LTBP4: variants seen among roughly 807,000 people sequenced by gnomAD.
LTBP4 encodes latent-transforming growth factor beta-binding protein 4.
LTBP4 carries 93 observed loss-of-function variants against 180.2 expected under a neutral mutation model. The ratio of observed to expected loss-of-function variants is 0.52; its 90% CI spans 0.44 to 0.61. The LOEUF is 0.61. Among genes scored for constraint, LTBP4 ranks in the 20% least tolerant of loss-of-function variants. The probability of loss-of-function intolerance (pLI) is 0.00; values close to 1 mark genes in which losing one functional copy is unlikely to be tolerated. For missense variants in LTBP4, 2,116 were observed against 2,256.5 expected (o/e 0.94, Z 1.26); for synonymous variants, 947 against 934.5 (o/e 1.01, Z -0.24).
At chr19:40,593,572 A>G (rs1400219218) in intron 1 of LTBP4, among the ~76,000 whole-genome samples, 1 of 151,200 alleles carries the variant, frequency 6.6e-6, no homozygotes, top group Non-Finnish European at 1.5e-5. Context: ...TTTACATGCC[A>G]GGATATTCAG....
At chr19:40,618,899 G>A (rs80004291) in intron 21 of LTBP4, among the ~76,000 whole-genome samples, 1 of 152,084 alleles carries the variant, frequency 6.6e-6, no homozygotes, top group Non-Finnish European at 1.5e-5. Context: ...TTCTTCTATT[G>A]CATGATTTTC....
At chr19:40,620,806 T>G (rs986464154) in intron 22 of LTBP4, among the ~76,000 whole-genome samples, 4 of 151,976 alleles carry the variant, frequency 2.6e-5, no homozygotes, top group African/African-American at 9.7e-5. Flanking sequence ...ATTTATTTAT[T>G]TTTAATAATT....
Position 40,611,273 on chromosome 19 carries a change from G to A in LTBP4, c.1932G>A (p.Val644=). 1.9e-6 allele frequency: 3 copies of A among 1,612,434 alleles called. No individual in the cohort carries two copies. Among genetic ancestry groups the A allele is most frequent in the Non-Finnish European group, 2.5e-6 (3 of 1,179,374 alleles). Residue 644 remains valine (V), a synonymous_variant, in exon 13 of 30, where the codon GTG becomes GTA. Coordinates refer to ENST00000396819, the MANE Select transcript of LTBP4 (RefSeq NM_001042545.2). The surrounding 1 kb of genome is among the most constrained non-coding windows in gnomAD (Gnocchi z 4.4). The part of the protein sequence containing the change: ...GFRGSACEED[V]DECAQEPPPC... ...GGGGCTCGGCGTGTGAAGAGGATGTGGATGAGTGTGCCCAGGAGCCGCCGC... is the reference window on the plus strand; with the variant it reads ...GGGGCTCGGCGTGTGAAGAGGATGTAGATGAGTGTGCCCAGGAGCCGCCGC...
In LTBP4 at chr19:40,627,855, T is replaced by C; in HGVS notation, c.4517T>C (p.Val1506Ala). The stretch of plus-strand genomic sequence containing the variant: ...CTGGACATGACCCGCATGGCCTGCG[T>C]TGGTGAGGGCGGGCCCGGGGCCAGC... ...YRLDMTRMAC[V>A]DINECDEAEA... The change falls in exon 29 of 30, where the codon GTT becomes GCT. Residue 1506 changes from valine to alanine, a missense_variant and splice_region_variant. Physicochemically the swap from Val to Ala is moderately conservative, Grantham distance 64 (BLOSUM62 0). Transcript: ENST00000396819. 1.3e-6 allele frequency: 2 copies of C among 1,562,976 alleles called. No individual in the cohort carries two copies. The highest frequency in any genetic ancestry group is 1.7e-6 in the Non-Finnish European group (2 of 1,161,040).
Position 40,613,563 on chromosome 19 carries a change from G to T in LTBP4, c.2557+34G>T. The T allele has an allele frequency of 6.4e-7, 1 of 1,552,628 alleles. No homozygotes were observed. On this transcript the variant is annotated intron_variant, in intron 17 of 29. Transcript: ENST00000396819. The surrounding 1 kb of genome is among the most constrained non-coding windows in gnomAD (Gnocchi z 5.0). ...CCGGGCTGATCCTGGCCCCGGAAAG[G>T]GTGGGCTTAGGGCAGGAAAAGGCGG...
chr19:40,596,382 A>T (rs1484079289), upstream of LTBP4, among the ~76,000 whole-genome samples: 1 of 152,060 alleles, frequency 6.6e-6, no homozygotes, highest in East Asian at 1.9e-4. Flanking sequence ...CTCTAAGGAG[A>T]AAGTCTGCAA....
At chr19:40,619,214 G>A in intron 21 of LTBP4, 133 bp from the exon 22 acceptor site, 1 of 886,328 alleles carries the variant, frequency 1.1e-6, no homozygotes, top group Non-Finnish European at 1.7e-6. Context: ...TTTCTCACTA[G>A]AAGAAAAACA....
Position 40,627,358 on chromosome 19 carries a change from G to T in LTBP4, c.4366+3G>T. On this transcript the variant is annotated splice_donor_region_variant and intron_variant, in intron 28 of 29. Coordinates refer to ENST00000396819, the MANE Select transcript of LTBP4 (RefSeq NM_001042545.2). Reference sequence around the variant, plus strand: ...TCCTGAAGGTGGAAGCTATGCTGGTGAGCACTGCCAGCGCATGATGAGACT... The same window carrying T: ...TCCTGAAGGTGGAAGCTATGCTGGTTAGCACTGCCAGCGCATGATGAGACT... 2.7e-6 allele frequency: 4 copies of T among 1,495,794 alleles called. No homozygotes were observed. The highest frequency in any genetic ancestry group is 2.4e-5 in the East Asian group (1 of 41,908). The allele number at this position is 1,495,794 out of a possible 1,614,324, so 92.7% of individuals were successfully genotyped here.
At position 40,611,248 on chromosome 19, in the gene LTBP4, G is replaced by C. The variant is rs768448054; in HGVS notation, c.1907G>C (p.Arg636Pro). Residue 636 changes from arginine (R) to proline (P), a missense_variant, in exon 13 of 30, where the codon CGG becomes CCG. Arg to Pro is a moderately radical substitution (Grantham distance 103). Around this residue, in one of 5 missense-constraint regions of LTBP4, gnomAD observed 877 missense variants for 873.6 expected, o/e 1.00. Coordinates refer to ENST00000396819, the MANE Select transcript of LTBP4 (RefSeq NM_001042545.2). The surrounding 1 kb of genome is among the most constrained non-coding windows in gnomAD (Gnocchi z 4.4). Reference protein sequence around the residue: ...SFRCVCPAGFRGSACEEDVDE... With the variant: ...SFRCVCPAGFPGSACEEDVDE... ...CGCTGTGTTTGCCCGGCTGGCTTCC[G>C]GGGCTCGGCGTGTGAAGAGGATGTG... The C allele has an allele frequency of 6.2e-7, 1 of 1,613,058 alleles. No individual in the cohort carries two copies. The highest frequency in any genetic ancestry group is 1.7e-5 in the Admixed American group (1 of 59,878).
upstream of LTBP4, chr19:40,599,166 G>T (rs746251750): frequency 6.3e-7 from 1 of 1,581,476 alleles, no homozygotes; most frequent in Admixed American, 1.8e-5. Flanking sequence ...GGTGCTAGGG[G>T]CCTGAGTGAC....
chr19:40,600,440 G>T (rs2081416010), upstream of LTBP4, among the ~76,000 whole-genome samples: 1 of 152,216 alleles, frequency 6.6e-6, no homozygotes, highest in African/African-American at 2.4e-5. This position sits in a 1 kb window ranked among gnomAD's most constrained non-coding sequence, Gnocchi z 4.4. Context: ...GCCGAAGAGG[G>T]AGGGCGCTGG....
Position 40,609,994 on chromosome 19 carries a change from C to T in LTBP4, c.1684+123C>T. 7.4e-7 allele frequency: 1 copy of T among 1,351,050 alleles called. No homozygotes were observed. Among genetic ancestry groups the T allele is most frequent in the South Asian group, 1.5e-5 (1 of 64,940 alleles). 83.7% of individuals were successfully genotyped at this position (1,351,050 alleles called of 1,614,324 possible). A position where few individuals can be genotyped will look rare whatever the true frequency, so the allele number is the denominator to read the frequency against. ...GGTCCCGCCCCAGGACTGCTCTGCC[C>T]TGGCCCTTGGCCCTGCCCTTCCCTG... On this transcript the variant is annotated intron_variant, in intron 11 of 29. Transcript: ENST00000396819. This position sits in a 1 kb window ranked among gnomAD's most constrained non-coding sequence, Gnocchi z 4.9.
At chr19:40,618,262 T>G (rs1400305255) in intron 21 of LTBP4, among the ~76,000 whole-genome samples, 4 of 150,848 alleles carry the variant, frequency 2.7e-5, no homozygotes, top group African/African-American at 9.7e-5. Context: ...GAGATGAGTT[T>G]TTTTTTTTTT....
At position 40,622,526 on chromosome 19, in the gene LTBP4, G is replaced by T. The variant is rs927707461; in HGVS notation, c.3343G>T (p.Glu1115Ter). ...GGGCCCTGTGGGGAGTGGGCGCCGG[G>T]AGTGCTACTTTGACACAGCGGCCCC... ...RQGPVGSGRR[E>*]CYFDTAAPDA... is the part of the protein sequence containing the mutation. The change falls in exon 23 of 30, where the codon GAG becomes TAG. Residue 1115 changes from glutamate to a stop codon, truncating the protein, a stop_gained. Transcript: ENST00000396819. LOFTEE classifies it high-confidence loss of function. The surrounding 1 kb of genome is among the most constrained non-coding windows in gnomAD (Gnocchi z 5.1). The T allele has an allele frequency of 6.2e-7, 1 of 1,613,680 alleles. No individual in the cohort carries two copies.
rs143839727 is a variant in LTBP4, at chr19:40,622,070, G to C, written c.3218-331G>C. On this transcript the variant is annotated intron_variant, in intron 22 of 29. Coordinates refer to ENST00000396819, the MANE Select transcript of LTBP4 (RefSeq NM_001042545.2). The surrounding 1 kb of genome is among the most constrained non-coding windows in gnomAD (Gnocchi z 5.1). ...GGCGACAAATTGTAGGTTTTGAGATGAAGACTCAGCCAGTTTGCCACACAC... is the reference window on the plus strand; with the variant it reads ...GGCGACAAATTGTAGGTTTTGAGATCAAGACTCAGCCAGTTTGCCACACAC... Among the ~76,000 whole-genome samples, 300 of 152,278 alleles carry C rather than the reference G, an allele frequency of 2.0e-3. No individual in the cohort carries two copies. The highest frequency in any genetic ancestry group is 7.0e-3 in the African/African-American group (290 of 41,558).
chr19:40,617,114 C>T lies in LTBP4; in HGVS notation c.2959C>T (p.Arg987Trp), dbSNP rs756632720. ...GGGCQDVDECRNRSFCGAHAV... is the reference protein window; with the variant it reads ...GGGCQDVDECWNRSFCGAHAV... Reference sequence around the variant, plus strand: ...GGTGGTTGCAGATGTGGACGAATGCCGGAACCGGTCCTTCTGCGGTGCCCA... The same window carrying T: ...GGTGGTTGCAGATGTGGACGAATGCTGGAACCGGTCCTTCTGCGGTGCCCA... The change falls in exon 21 of 30, where the codon CGG becomes TGG. Residue 987 changes from arginine to tryptophan, a missense_variant. This residue lies in a region of LTBP4 where 278 missense variants were observed against 373.0 expected (regional missense o/e 0.75). Coordinates refer to ENST00000396819, the MANE Select transcript of LTBP4 (RefSeq NM_001042545.2). 24 of 1,613,864 alleles carry T rather than the reference C, an allele frequency of 1.5e-5. No individual in the cohort carries two copies. The highest frequency in any genetic ancestry group is 6.7e-5 in the East Asian group (3 of 44,878).
chr19:40,612,234 A>C, intron 15 of LTBP4, 42 bp downstream of exon 15: 1 of 1,540,608 alleles, frequency 6.5e-7, no homozygotes. Context: ...CTGCATCATG[A>C]CCCCCGACCC....
At chr19:40,607,273 C>CCA in intron 6 of LTBP4, 92 bp from the exon 7 acceptor site, 1 of 811,726 alleles carries the variant, frequency 1.2e-6, no homozygotes, top group Non-Finnish European at 1.8e-6. Flanking sequence ...CCCCCACCCC[C>CCA]AACCCCAGAA....
chr19:40,605,857 G>A lies in LTBP4; in HGVS notation c.793+26G>A, dbSNP rs933165201. On this transcript the variant is annotated intron_variant, in intron 4 of 29. Transcript: ENST00000396819. The surrounding 1 kb of genome is among the most constrained non-coding windows in gnomAD (Gnocchi z 5.5). Reference sequence around the variant, plus strand: ...GTAAGCCCCAGGACGTCCCCGAAGTGCTCGGAGCTGGGGAGTGGTGACAAC... The same window carrying A: ...GTAAGCCCCAGGACGTCCCCGAAGTACTCGGAGCTGGGGAGTGGTGACAAC... The A allele has an allele frequency of 2.6e-6, 4 of 1,533,144 alleles. No homozygotes were observed. In the South Asian group the frequency reaches 3.6e-5, roughly 14 times the overall value. 95.0% of individuals were successfully genotyped at this position (1,533,144 alleles called of 1,614,324 possible). A position where few individuals can be genotyped will look rare whatever the true frequency, so the allele number is the denominator to read the frequency against.
Sources: gnomAD v4.1 joint callset for allele counts (sites outside exome capture counted in the v4.1 genomes callset) on GRCh38, gnomAD v4.1.1 for gene constraint, gnomAD v4.1.1 regional missense constraint, Gnocchi (gnomAD v3.1) non-coding constraint, MANE v1.5 for transcripts, NCBI Gene and HGNC (gene_info 2026-07-23, HGNC 2026-07-21) for gene names.